TBC1D2B: variants seen among roughly 807,000 people sequenced by gnomAD.
TBC1D2B encodes TBC1 domain family member 2B, also known as TBC1 domain family, member 2B.
Under a neutral mutation model 100.8 loss-of-function variants are expected in TBC1D2B, and 64 were observed. The ratio of observed to expected loss-of-function variants is 0.64; its 90% CI spans 0.52 to 0.78. The LOEUF is 0.78. TBC1D2B is among the 30% of genes least tolerant of loss of function. The pLI, the probability that TBC1D2B is intolerant of heterozygous loss-of-function variation, is 0.00. For missense variants in TBC1D2B, 1,052 were observed against 1,218.4 expected (o/e 0.86, Z 2.03); for synonymous variants, 480 against 479.7 (o/e 1.00, Z -0.01).
intron 2 of TBC1D2B, among the ~76,000 whole-genome samples, chr15:78,049,499 C>T (rs1422929086): frequency 6.6e-6 from 1 of 152,152 alleles, no homozygotes; most frequent in Non-Finnish European, 1.5e-5. Context: ...CTCTCTCCTG[C>T]CACCTTGCCT....
At chr15:78,023,808 T>G (rs944388911) in intron 6 of TBC1D2B, among the ~76,000 whole-genome samples, 3 of 152,228 alleles carry the variant, frequency 2.0e-5, no homozygotes, top group Non-Finnish European at 4.4e-5. Context: ...ATTAAGTTTG[T>G]GTGTGATTTC....
chr15:78,008,634 T>C (rs1483665137), intron 10 of TBC1D2B, among the ~76,000 whole-genome samples: 1 of 152,238 alleles, frequency 6.6e-6, no homozygotes, highest in East Asian at 1.9e-4. Flanking sequence ...CAGCCTGACA[T>C]TGCTTCTTGA....
At chr15:78,013,609 G>T (rs2072292778) in intron 8 of TBC1D2B, among the ~76,000 whole-genome samples, 1 of 151,830 alleles carries the variant, frequency 6.6e-6, no homozygotes, top group African/African-American at 2.4e-5. Context: ...GAAAACGCAG[G>T]CAACAGCACA....
Position 78,013,007 on chromosome 15 carries a change from G to A in TBC1D2B, c.2086C>T (p.Leu696=). 1 of 1,603,980 alleles carries A rather than the reference G, an allele frequency of 6.2e-7. No individual in the cohort carries two copies. ...TTCTGTTTCTCCAGCGCCTTCTGCA[G>A]CAAGGTCTGGAAGTGGCCAGGCTCA... The part of the protein sequence containing the change: ...NTEPGHFQTL[L]QKALEKQNPA... Residue 696 remains leucine, a synonymous_variant, in exon 9 of 13, where the codon CTG becomes TTG. Transcript: ENST00000300584.
Position 78,077,534 on chromosome 15 carries a change from T to C in TBC1D2B, c.119A>G (p.Tyr40Cys). The change falls in exon 1 of 13, where the codon TAT (tyrosine) becomes TGT (cysteine). Residue 40 changes from tyrosine (Y) to cysteine (C), a missense_variant. Tyr to Cys is a radical substitution (Grantham distance 194). Transcript: ENST00000300584. ...PAREPARLCG[Y>C]LQKLSGKGPL... ...GCCCTTGCCCGACAGCTTCTGCAGA[T>C]AGCCACACAGCCGCGCTGGCTCCCG... 1 of 1,510,404 alleles carries C rather than the reference T, an allele frequency of 6.6e-7. No homozygotes were observed. The highest frequency in any genetic ancestry group is 1.4e-5 in the African/African-American group (1 of 69,038). The allele number at this position is 1,510,404 out of a possible 1,614,324, so 93.6% of individuals were successfully genotyped here.
chr15:78,033,026 A>G (rs2072855410), intron 3 of TBC1D2B, among the ~76,000 whole-genome samples: 1 of 152,220 alleles, frequency 6.6e-6, no homozygotes, highest in Non-Finnish European at 1.5e-5. Flanking sequence ...TCAAGCACAA[A>G]AATCATGAAG....
intron 10 of TBC1D2B, among the ~76,000 whole-genome samples, chr15:78,004,332 C>G (rs1211610811): frequency 6.6e-6 from 1 of 152,196 alleles, no homozygotes; most frequent in African/African-American, 2.4e-5. Context: ...TCATACAGCC[C>G]TGTGGAACCA....
intron 6 of TBC1D2B, among the ~76,000 whole-genome samples, chr15:78,020,489 G>A (rs1366538210): frequency 6.6e-6 from 1 of 152,206 alleles, no homozygotes; most frequent in African/African-American, 2.4e-5. Context: ...CTGTGTGAGG[G>A]AGGGCTTTAC....
chr15:78,040,839 A>AAAGAAAGAAAGG (rs1349859635), intron 3 of TBC1D2B, among the ~76,000 whole-genome samples: 91 of 21,238 alleles, frequency 4.3e-3, no homozygotes, highest in Admixed American at 0.01. Flanking sequence ...AAGAAAGAAA[A>AAAGAAAGAAAGG]AAGAAAGAAA....
At chr15:78,038,052 TAAAGGGCAGA>T (rs976880897) in intron 3 of TBC1D2B, among the ~76,000 whole-genome samples, 3 of 151,884 alleles carry the variant, frequency 2.0e-5, no homozygotes, top group African/African-American at 7.3e-5. Flanking sequence ...CCCACGAGTA[TAAAGGGCAGA>T]GGATGAGAAG....
intron 4 of TBC1D2B, among the ~76,000 whole-genome samples, chr15:78,026,547 T>C (rs2072673695): frequency 6.6e-6 from 1 of 152,192 alleles, no homozygotes; most frequent in African/African-American, 2.4e-5. Context: ...CAGCCTATGG[T>C]ATTCTGTTTT....
At chr15:78,046,032 A>G (rs1275828889) in intron 2 of TBC1D2B, among the ~76,000 whole-genome samples, 1 of 152,218 alleles carries the variant, frequency 6.6e-6, no homozygotes, top group East Asian at 1.9e-4. Flanking sequence ...CCTGGGTTCA[A>G]GCGATTCTTC....
chr15:78,010,193 C>A (rs1228417792), intron 9 of TBC1D2B, among the ~76,000 whole-genome samples: 2 of 152,190 alleles, frequency 1.3e-5, no homozygotes, highest in African/African-American at 2.4e-5. Context: ...GCTAACAGCG[C>A]TGTGCCCACT....
intron 5 of TBC1D2B, among the ~76,000 whole-genome samples, chr15:78,024,795 T>C (rs1253157555): frequency 6.6e-6 from 1 of 152,178 alleles, no homozygotes; most frequent in African/African-American, 2.4e-5. Context: ...TAATTAGCAA[T>C]GGTATCCAGT....
intron 4 of TBC1D2B, 83 bp downstream of exon 4, chr15:78,029,924 C>T: frequency 8.5e-7 from 1 of 1,172,968 alleles, no homozygotes; most frequent in Non-Finnish European, 1.2e-6. Context: ...CTCGAAATAC[C>T]TGCTAATAAT....
intron 2 of TBC1D2B, among the ~76,000 whole-genome samples, chr15:78,053,488 T>A (rs184377460): frequency 8.9e-4 from 135 of 152,342 alleles, no homozygotes; most frequent in African/African-American, 3.2e-3. Flanking sequence ...ATAATTGTTG[T>A]TCTGTTCTTT....
chr15:78,014,764 T>A (rs2072325095), intron 8 of TBC1D2B, among the ~76,000 whole-genome samples: 1 of 152,208 alleles, frequency 6.6e-6, no homozygotes, highest in African/African-American at 2.4e-5. Context: ...TCAACCTGGA[T>A]AATTTCAGAA....
At chr15:78,005,836 A>C (rs1213469649) in intron 10 of TBC1D2B, among the ~76,000 whole-genome samples, 1 of 152,168 alleles carries the variant, frequency 6.6e-6, no homozygotes, top group East Asian at 1.9e-4. Flanking sequence ...GGGGGGAAAA[A>C]GTCTCCTTAG....
chr15:78,012,190 C>T (rs1164821734), intron 9 of TBC1D2B, among the ~76,000 whole-genome samples: 1 of 152,222 alleles, frequency 6.6e-6, no homozygotes, highest in African/African-American at 2.4e-5. Flanking sequence ...GAAGCAGTCA[C>T]AGCAAAGTCC....
Sources: gnomAD v4.1 joint callset for allele counts (sites outside exome capture counted in the v4.1 genomes callset) on GRCh38, gnomAD v4.1.1 for gene constraint, MANE v1.5 for transcripts, NCBI Gene and HGNC (gene_info 2026-07-23, HGNC 2026-07-21) for gene names.